Variants in PPP4R3B observed in about 807,000 individuals in gnomAD.
The protein encoded by PPP4R3B is serine/threonine-protein phosphatase 4 regulatory subunit 3B.
PPP4R3B carries 52 observed loss-of-function variants against 95.4 expected under a neutral mutation model. The observed-to-expected ratio is 0.54, with a 90% confidence interval of 0.44 to 0.69. The LOEUF (loss-of-function observed/expected upper bound fraction) is 0.69. Among genes scored for constraint, PPP4R3B ranks in the 30% least tolerant of loss-of-function variants. The pLI, the probability that PPP4R3B is intolerant of heterozygous loss-of-function variation, is 0.00. For missense variants in PPP4R3B, 1,003 were observed against 1,005.9 expected (o/e 1.00, Z 0.04); for synonymous variants, 407 against 343.9 (o/e 1.18, Z -2.03).
intron 2 of PPP4R3B, among the ~76,000 whole-genome samples, chr2:55,604,974 G>A (rs1235756230): frequency 6.6e-6 from 1 of 151,884 alleles, no homozygotes; most frequent in East Asian, 1.9e-4. Flanking sequence ...CAAGTAGCTG[G>A]GACTACAGGT....
At chr2:55,550,076 T>A in intron 16 of PPP4R3B, 70 bp from the exon 17 acceptor site, 1 of 950,026 alleles carries the variant, frequency 1.1e-6, no homozygotes, top group South Asian at 1.5e-5. Context: ...ACAAATACAA[T>A]CACTTGTAAA....
chr2:55,615,843 C>T (rs1417972914), intron 1 of PPP4R3B, among the ~76,000 whole-genome samples: 6 of 92,466 alleles, frequency 6.5e-5, no homozygotes, highest in African/African-American at 3.2e-4. Flanking sequence ...GGCAACAGAG[C>T]AAGACTCTGT....
At chr2:55,583,081 A>C (rs1394846651) in intron 7 of PPP4R3B, among the ~76,000 whole-genome samples, 1 of 152,124 alleles carries the variant, frequency 6.6e-6, no homozygotes, top group Non-Finnish European at 1.5e-5. Flanking sequence ...GCTCCATAAT[A>C]CTTTACCAAA....
intron 8 of PPP4R3B, among the ~76,000 whole-genome samples, chr2:55,580,504 A>G (rs959280447): frequency 6.6e-6 from 1 of 152,222 alleles, no homozygotes; most frequent in Non-Finnish European, 1.5e-5. Context: ...GAACCAATTA[A>G]GCCCATGTGA....
chr2:55,588,780 T>C, intron 5 of PPP4R3B, 99 bp downstream of exon 5: 1 of 650,330 alleles, frequency 1.5e-6, no homozygotes, highest in Admixed American at 2.9e-5. Context: ...CTTACTAATC[T>C]AATTACAAAA....
Position 55,547,920 on chromosome 2 carries a change from AAAC to A in PPP4R3B, c.*1988_*1990del, listed in dbSNP as rs1229949503. On this transcript the variant is annotated 3_prime_UTR_variant, in exon 17 of 17. Coordinates refer to ENST00000616407, the MANE Select transcript of PPP4R3B (RefSeq NM_001122964.3). ...GCAACAGAGCGAGACTCAAACAAACAAACAAAAAGTAACTAGGAAAGTGTTTTA... is the reference window on the plus strand; with the variant it reads ...GCAACAGAGCGAGACTCAAACAAACAAAAAAGTAACTAGGAAAGTGTTTTA... The A allele has an allele frequency of 6.6e-6, 1 of 152,358 alleles. No individual in the cohort carries two copies. Among genetic ancestry groups the A allele is most frequent in the South Asian group, 2.1e-4 (1 of 4,828 alleles). 9.4% of individuals were successfully genotyped at this position (152,358 alleles called of 1,614,324 possible). A position where few individuals can be genotyped will look rare whatever the true frequency, so the allele number is the denominator to read the frequency against.
intron 15 of PPP4R3B, among the ~76,000 whole-genome samples, chr2:55,560,048 G>T (rs1686388419): frequency 6.6e-6 from 1 of 152,140 alleles, no homozygotes; most frequent in African/African-American, 2.4e-5. Flanking sequence ...CTTGAACCCT[G>T]GAGGCAGAGG....
chr2:55,610,898 C>T (rs1008544556), intron 2 of PPP4R3B, among the ~76,000 whole-genome samples: 4 of 147,922 alleles, frequency 2.7e-5, no homozygotes, highest in African/African-American at 1.0e-4. Flanking sequence ...GAGAGTCTTC[C>T]TCTATCGCCC....
rs1409469058 is a variant in PPP4R3B, at chr2:55,548,949, G to A, written c.*962C>T. 6.6e-6 allele frequency: 1 copy of A among 152,524 alleles called. No homozygotes were observed. The highest frequency in any genetic ancestry group is 1.5e-5 in the Non-Finnish European group (1 of 68,026). The allele number at this position is 152,524 out of a possible 1,614,324, so 9.4% of individuals were successfully genotyped here. Reference sequence around the variant, plus strand: ...GCTACATGTGCTGCATGCTGACTTTGACACTTAAGTAGCTTCTTGGATCAA... The same window carrying A: ...GCTACATGTGCTGCATGCTGACTTTAACACTTAAGTAGCTTCTTGGATCAA... On this transcript the variant is annotated 3_prime_UTR_variant, in exon 17 of 17. Transcript: ENST00000616407.
intron 4 of PPP4R3B, among the ~76,000 whole-genome samples, chr2:55,595,491 T>C (rs1257944473): frequency 6.6e-6 from 1 of 151,658 alleles, no homozygotes; most frequent in Non-Finnish European, 1.5e-5. Flanking sequence ...TTTTAAAAAT[T>C]ACAATTAAAA....
intron 15 of PPP4R3B, among the ~76,000 whole-genome samples, chr2:55,563,157 C>T (rs1406994091): frequency 2.0e-5 from 3 of 152,114 alleles, no homozygotes; most frequent in African/African-American, 4.8e-5. Flanking sequence ...GCAAAGGTAC[C>T]GATTTCTTAG....
rs201704602 is a variant in PPP4R3B, at chr2:55,615,502, T to C, written c.147A>G (p.Ser49=). 2.6e-5 allele frequency: 41 copies of C among 1,582,544 alleles called. No individual in the cohort carries two copies. The highest frequency in any genetic ancestry group is 2.3e-4 in the South Asian group (20 of 86,948). ...GATTTATCTTTGATTCCAAGAGTAG[T>C]GATCCTGAAAGATAAAAAATAATAC... The part of the protein sequence containing the change: ...SLLVRAESDG[S]LLLESKINPN... Residue 49 remains serine (S), a synonymous_variant, in exon 2 of 17, where the codon TCA becomes TCG. Coordinates refer to ENST00000616407, the MANE Select transcript of PPP4R3B (RefSeq NM_001122964.3).
At chr2:55,558,586 GAC>G (rs1172973098) in intron 16 of PPP4R3B, among the ~76,000 whole-genome samples, 187 bp downstream of exon 16, 2 of 152,020 alleles carry the variant, frequency 1.3e-5, no homozygotes, top group Non-Finnish European at 2.9e-5. Context: ...CCAGCCTGGC[GAC>G]AGAGTGAGAC....
At chr2:55,565,261 A>G (rs1437257711) in intron 13 of PPP4R3B, among the ~76,000 whole-genome samples, 1 of 151,970 alleles carries the variant, frequency 6.6e-6, no homozygotes, top group Non-Finnish European at 1.5e-5. Flanking sequence ...ATAGGACTAT[A>G]AAGAGCATTC....
chr2:55,616,253 T>C (rs1445753351), intron 1 of PPP4R3B, among the ~76,000 whole-genome samples: 2 of 152,118 alleles, frequency 1.3e-5, no homozygotes, highest in Non-Finnish European at 1.5e-5. Flanking sequence ...AGTATAGAAA[T>C]TACAGTGCTG....
chr2:55,581,259 T>C (rs889128082), intron 8 of PPP4R3B, among the ~76,000 whole-genome samples: 1 of 152,050 alleles, frequency 6.6e-6, no homozygotes, highest in Non-Finnish European at 1.5e-5. Flanking sequence ...CTCAAAAAAA[T>C]AATAATAATT....
intron 16 of PPP4R3B, among the ~76,000 whole-genome samples, chr2:55,552,206 C>A (rs918166218): frequency 1.2e-4 from 19 of 152,154 alleles, no homozygotes; most frequent in African/African-American, 4.6e-4. Flanking sequence ...AGTAAAAAGG[C>A]CTGTAATCTA....
chr2:55,557,066 A>AACGACGACAACG (rs1685941952), intron 16 of PPP4R3B, among the ~76,000 whole-genome samples: 1 of 151,456 alleles, frequency 6.6e-6, no homozygotes. Context: ...CTGTAACAAC[A>AACGACGACAACG]ACGACGACGA....
chr2:55,579,477 G>A (rs1254464737), intron 9 of PPP4R3B, among the ~76,000 whole-genome samples: 3 of 150,664 alleles, frequency 2.0e-5, no homozygotes, highest in Non-Finnish European at 1.5e-5. Flanking sequence ...AATGGCCCCC[G>A]AAAGAATAGT....
Sources: gnomAD v4.1 joint callset for allele counts (sites outside exome capture counted in the v4.1 genomes callset) on GRCh38, gnomAD v4.1.1 for gene constraint, MANE v1.5 for transcripts, NCBI Gene and HGNC (gene_info 2026-07-23, HGNC 2026-07-21) for gene names.